The following KCNQ4 variants were observed in gnomAD, a reference collection of about 807,000 sequenced individuals.
KCNQ4 encodes potassium voltage-gated channel subfamily Q member 4, also known as potassium voltage-gated channel subfamily KQT member 4.
KCNQ4 carries 31 observed loss-of-function variants against 72.6 expected under a neutral mutation model. That is an observed-to-expected ratio of 0.43 (90% CI 0.32 to 0.58). The LOEUF (loss-of-function observed/expected upper bound fraction) is 0.58, where lower values mean the gene tolerates loss of function less well. Among genes scored for constraint, KCNQ4 ranks in the 20% least tolerant of loss-of-function variants. The pLI, the probability that KCNQ4 is intolerant of heterozygous loss-of-function variation, is 0.08. For synonymous variants in KCNQ4, 405 were observed against 403.7 expected, an observed-to-expected ratio of 1.00 and a Z score of -0.04; for missense variants, 869 against 962.6, an observed-to-expected ratio of 0.90 and a Z score of 1.29.
intron 9 of KCNQ4, among the ~76,000 whole-genome samples, chr1:40,829,844 C>A (rs374739654): frequency 0.014 from 2,199 of 152,284 alleles, 18 homozygotes; most frequent in Non-Finnish European, 0.023. Context: ...GATGACGTCA[C>A]AGGGCATGGG....
rs925802966 is a variant in KCNQ4 at position 40,838,655 on chromosome 1, G to A, written c.*132G>A. 2 of 862,868 alleles carry A rather than the reference G, an allele frequency of 2.3e-6. No homozygotes were observed. The highest frequency in any genetic ancestry group is 1.9e-6 in the Non-Finnish European group (1 of 528,188). 53.5% of individuals were successfully genotyped at this position (862,868 alleles called of 1,614,324 possible). On this transcript the variant is annotated 3_prime_UTR_variant, in exon 14 of 14. Transcript: ENST00000347132. ...GGGGAGAGAGACCACACGCAGTATT[G>A]AGCTGCCTGAGTGGGCGTGGTACCT...
chr1:40,818,082 G>A, intron 2 of KCNQ4, 82 bp from the exon 3 acceptor site: 1 of 1,591,588 alleles, frequency 6.3e-7, no homozygotes, highest in Non-Finnish European at 8.6e-7. Context: ...CCTAACCCAG[G>A]GACTCTTGGC....
chr1:40,816,203 T>C (rs184813194), intron 1 of KCNQ4, among the ~76,000 whole-genome samples: 1 of 152,138 alleles, frequency 6.6e-6, no homozygotes, highest in East Asian at 1.9e-4. Flanking sequence ...TACACAGAGA[T>C]GTATTTCCAG....
intron 1 of KCNQ4, among the ~76,000 whole-genome samples, chr1:40,805,533 C>T (rs1647731738): frequency 6.6e-6 from 1 of 152,116 alleles, no homozygotes; most frequent in Non-Finnish European, 1.5e-5. Flanking sequence ...TTTGTTTTTC[C>T]CTCTGGAGGT....
chr1:40,819,484 T>C lies in KCNQ4; in HGVS notation c.834+12T>C, dbSNP rs1031548085. On this transcript the variant is annotated intron_variant, in intron 5 of 13. Coordinates refer to ENST00000347132, the MANE Select transcript of KCNQ4 (RefSeq NM_004700.4). ...TCTGGTGGGGGACGGTGCGTGAGGG[T>C]CTTTGTAGGGCTGCCCTTCTCCCTG... 2 of 1,613,322 alleles carry C rather than the reference T, an allele frequency of 1.2e-6. No individual in the cohort carries two copies. The highest frequency in any genetic ancestry group is 8.5e-7 in the Non-Finnish European group (1 of 1,179,766).
At position 40,840,360 on chromosome 1, in the gene KCNQ4, C is replaced by T. The variant is rs969153400; in HGVS notation, c.*1837C>T. ...AAGAAGCCCTCCTTCCTTCCACGAT[C>T]GAGGTTCCGCCATCAACTCGGTTCT... On this transcript the variant is annotated 3_prime_UTR_variant, in exon 14 of 14. Coordinates refer to ENST00000347132, the MANE Select transcript of KCNQ4 (RefSeq NM_004700.4). 5 of 152,220 alleles carry T rather than the reference C, an allele frequency of 3.3e-5. No homozygotes were observed. The highest frequency in any genetic ancestry group is 1.3e-4 in the Admixed American group (2 of 15,278). 9.4% of individuals were successfully genotyped at this position (152,220 alleles called of 1,614,324 possible).
At chr1:40,824,334 A>C in intron 9 of KCNQ4, 76 bp downstream of exon 9, 1 of 1,495,692 alleles carries the variant, frequency 6.7e-7, no homozygotes. Context: ...ATCCTCTCTC[A>C]GACCTGCCTT....
Position 40,838,302 on chromosome 1 carries a change from C to G in KCNQ4, c.1876-9C>G, listed in dbSNP as rs1178545542. The G allele has an allele frequency of 8.1e-6, 13 of 1,612,568 alleles. No homozygotes were observed. Among genetic ancestry groups the G allele is most frequent in the South Asian group, 4.4e-5 (4 of 91,078 alleles). ...CAGGCCCTGCTTCCCAGCTGCGCCC[C>G]GTCCCCAGGTGCAGTCCATCGAGCA... On this transcript the variant is annotated splice_polypyrimidine_tract_variant and intron_variant, in intron 13 of 13. Coordinates refer to ENST00000347132, the MANE Select transcript of KCNQ4 (RefSeq NM_004700.4).
intron 9 of KCNQ4, among the ~76,000 whole-genome samples, chr1:40,824,674 G>A (rs1208172838): frequency 6.6e-6 from 1 of 152,178 alleles, no homozygotes; most frequent in East Asian, 1.9e-4. Flanking sequence ...ACCATCCTGG[G>A]GTGTGAGGGC....
chr1:40,819,137 TG>T (rs1648197745), intron 4 of KCNQ4: 2 of 272,938 alleles, frequency 7.3e-6, no homozygotes, highest in Admixed American at 5.6e-5. Flanking sequence ...GGGGTGAGGG[TG>T]GGGGTGGGAA....
At chr1:40,819,809 G>A (rs1164790205) in intron 5 of KCNQ4, 66 bp from the exon 6 acceptor site, 30 of 1,287,384 alleles carry the variant, frequency 2.3e-5, no homozygotes, top group Non-Finnish European at 3.2e-5. Flanking sequence ...CTACCTGCCT[G>A]TACCCCCAAC....
At chr1:40,791,358 G>A (rs1647280618) in intron 1 of KCNQ4, among the ~76,000 whole-genome samples, 1 of 152,122 alleles carries the variant, frequency 6.6e-6, no homozygotes, top group Admixed American at 6.5e-5. Flanking sequence ...TTCTCTGGGG[G>A]CCCCTCAGGT....
intron 1 of KCNQ4, among the ~76,000 whole-genome samples, chr1:40,803,574 C>T (rs1464069721): frequency 1.3e-5 from 2 of 152,180 alleles, no homozygotes; most frequent in African/African-American, 4.8e-5. Context: ...CAGATGTCCT[C>T]CCAGCTTCCA....
chr1:40,831,062 C>G (rs776433358), intron 9 of KCNQ4, 22 bp from the exon 10 acceptor site: 2 of 1,558,812 alleles, frequency 1.3e-6, no homozygotes, highest in Non-Finnish European at 1.7e-6. Context: ...TTGGCTCTCT[C>G]CCAACCTGCC....
rs948886899 is a variant in KCNQ4, at chr1:40,794,992, A to T, written c.314+10585A>T. ...GGGCGGGTGGGGGGGTGGGGGGCAGATCAGCCAGAATCAAGGGCTCACCCC... is the reference window on the plus strand; with the variant it reads ...GGGCGGGTGGGGGGGTGGGGGGCAGTTCAGCCAGAATCAAGGGCTCACCCC... On this transcript the variant is annotated intron_variant, in intron 1 of 13. Transcript: ENST00000347132. This position sits in a 1 kb window ranked among gnomAD's most constrained non-coding sequence, Gnocchi z 4.2. Among the ~76,000 whole-genome samples the T allele has an allele frequency of 6.6e-6, 1 of 151,844 alleles. No homozygotes were observed. The highest frequency in any genetic ancestry group is 2.4e-5 in the African/African-American group (1 of 41,314).
rs2148320413 is a variant in KCNQ4, at chr1:40,820,231, C to T, written c.1012C>T (p.Arg338Trp). The T allele has an allele frequency of 1.2e-6, 2 of 1,609,074 alleles. No homozygotes were observed. Among genetic ancestry groups the T allele is most frequent in the Non-Finnish European group, 8.5e-7 (1 of 1,177,920 alleles). ...GCACCGGCAGAAGCACTTCGAGAAG[C>T]GGAGGATGCCGGCAGCCAACCTCAT... ...EQHRQKHFEK[R>W]RMPAANLIQA... Residue 338 changes from arginine to tryptophan, a missense_variant, in exon 7 of 14, where the codon CGG (arginine) becomes TGG (tryptophan). Physicochemically the swap from Arg to Trp is moderately radical, Grantham distance 101. Coordinates refer to ENST00000347132, the MANE Select transcript of KCNQ4 (RefSeq NM_004700.4).
In KCNQ4 at chr1:40,784,192, G is replaced by T; in HGVS notation, c.99G>T (p.Gln33His). ...LVALTAVQSE[Q>H]GEAGGGGSPR... ...CGCTCACGGCCGTGCAGAGCGAACA[G>T]GGCGAGGCGGGCGGGGGCGGCTCCC... The change falls in exon 1 of 14, where the codon CAG (glutamine) becomes CAT (histidine). Residue 33 changes from glutamine to histidine, a missense_variant. Physicochemically the swap from Gln to His is conservative, Grantham distance 24. Around this residue, in one of 5 missense-constraint regions of KCNQ4, gnomAD observed 178 missense variants for 145.3 expected, o/e 1.22. Coordinates refer to ENST00000347132, the MANE Select transcript of KCNQ4 (RefSeq NM_004700.4). This position sits in a 1 kb window ranked among gnomAD's most constrained non-coding sequence, Gnocchi z 4.1. The T allele has an allele frequency of 1.8e-6, 2 of 1,115,428 alleles. No homozygotes were observed. Among genetic ancestry groups the T allele is most frequent in the Non-Finnish European group, 2.2e-6 (2 of 916,712 alleles). 69.1% of individuals were successfully genotyped at this position (1,115,428 alleles called of 1,614,324 possible). A position where few individuals can be genotyped will look rare whatever the true frequency, so the allele number is the denominator to read the frequency against.
intron 10 of KCNQ4, 36 bp downstream of exon 10, chr1:40,831,340 G>C (rs59037556): frequency 1.3e-6 from 2 of 1,522,582 alleles, no homozygotes; most frequent in Non-Finnish European, 1.8e-6. Context: ...ATCGAGGGCC[G>C]GCTGAGGGTG....
chr1:40,808,428 G>GATAAT (rs1444483717), intron 1 of KCNQ4, among the ~76,000 whole-genome samples: 1 of 152,204 alleles, frequency 6.6e-6, no homozygotes, highest in Non-Finnish European at 1.5e-5. Flanking sequence ...CGCTGCTGAG[G>GATAAT]ATAATGGTCC....
Sources: allele counts gnomAD v4.1 joint callset (sites outside exome capture counted in the v4.1 genomes callset), GRCh38; gene constraint gnomAD v4.1.1; regional missense constraint gnomAD v4.1.1; non-coding constraint Gnocchi (gnomAD v3.1); transcripts MANE v1.5; gene names NCBI Gene and HGNC (gene_info 2026-07-23, HGNC 2026-07-21).